TENM3: variants seen among roughly 807,000 people sequenced by gnomAD.
TENM3 encodes teneurin-3.
Under a neutral mutation model 255.1 loss-of-function variants are expected in TENM3, and 63 were observed. The ratio of observed to expected loss-of-function variants is 0.25; its 90% CI spans 0.20 to 0.30. The LOEUF is 0.30. TENM3 is among the 10% of genes least tolerant of loss of function. The probability of loss-of-function intolerance (pLI) is 1.00; values close to 1 mark genes in which losing one functional copy is unlikely to be tolerated. For missense variants in TENM3, 2,929 were observed against 3,461.1 expected (o/e 0.85, Z 3.86); for synonymous variants, 1,306 against 1,322.3 (o/e 0.99, Z 0.27).
the TENM3 span, among the ~76,000 whole-genome samples, chr4:181,933,646 C>G: frequency 6.6e-6 from 1 of 152,120 alleles, no homozygotes; most frequent in African/African-American, 2.4e-5. Context: ...TAACAAAGCC[C>G]TATTCTGAAG....
chr4:182,149,057 C>G (rs780892974), intron 1 of TENM3, among the ~76,000 whole-genome samples: 31 of 151,722 alleles, frequency 2.0e-4, no homozygotes, highest in Non-Finnish European at 4.1e-4. Flanking sequence ...CTTTCTAGTG[C>G]GTGTAAACTT....
the TENM3 span, among the ~76,000 whole-genome samples, chr4:181,858,614 C>G: frequency 6.6e-6 from 1 of 152,274 alleles, no homozygotes. Flanking sequence ...AACAGGTAAT[C>G]CTACCTGACA....
intron 1 of TENM3, among the ~76,000 whole-genome samples, chr4:182,174,614 G>A (rs1752338255): frequency 6.6e-6 from 1 of 151,916 alleles, no homozygotes; most frequent in East Asian, 1.9e-4. Context: ...AATACTTGGG[G>A]TCAGATAGAG....
chr4:182,081,455 G>A, the TENM3 span, among the ~76,000 whole-genome samples: 6 of 151,840 alleles, frequency 4.0e-5, no homozygotes, highest in East Asian at 3.9e-4. Flanking sequence ...GTGGTGGCAC[G>A]TGCCTGTAGT....
chr4:182,457,176 CTCTG>C (rs1429595476), intron 3 of TENM3, among the ~76,000 whole-genome samples: 3 of 142,914 alleles, frequency 2.1e-5, no homozygotes, highest in African/African-American at 7.5e-5. Context: ...CAGAGCAAGA[CTCTG>C]TCTCTCAAAA....
At chr4:181,750,265 G>A in the TENM3 span, among the ~76,000 whole-genome samples, 1 of 152,126 alleles carries the variant, frequency 6.6e-6, no homozygotes, top group Non-Finnish European at 1.5e-5. Context: ...AGAATTATGA[G>A]TTCTTCAGGC....
At chr4:182,301,689 G>GT (rs1318732888) in intron 1 of TENM3, among the ~76,000 whole-genome samples, 1 of 152,130 alleles carries the variant, frequency 6.6e-6, no homozygotes, top group Non-Finnish European at 1.5e-5. Context: ...CATAGTTTTT[G>GT]TTTTTTGGTT....
Position 182,320,105 on chromosome 4 carries a change from T to G in TENM3, c.-75-3841T>G, listed in dbSNP as rs913673326. Among the ~76,000 whole-genome samples, 96 of 50,076 alleles carry G rather than the reference T, an allele frequency of 1.9e-3. 2 individuals are homozygous for G. The highest frequency in any genetic ancestry group is 9.4e-3 in the African/African-American group (92 of 9,774). The allele number at this position is 50,076 out of a possible 152,430, so 32.9% of individuals were successfully genotyped here. On this transcript the variant is annotated intron_variant, in intron 1 of 27. Coordinates refer to ENST00000511685, the MANE Select transcript of TENM3 (RefSeq NM_001080477.4). ...TCCAGCCTGAGTGAAAGAGTGAAAC[T>G]CCGTCTAAAAAAAAAAAAATCCAAA...
At chr4:181,758,607 C>G in the TENM3 span, among the ~76,000 whole-genome samples, 7 of 152,116 alleles carry the variant, frequency 4.6e-5, no homozygotes, top group Non-Finnish European at 1.0e-4. Context: ...ATAATTGCAC[C>G]TTACGGAACA....
At chr4:181,525,396 C>CAAAAAAA in the TENM3 span, among the ~76,000 whole-genome samples, 4 of 97,286 alleles carry the variant, frequency 4.1e-5, no homozygotes, top group East Asian at 3.4e-4. Context: ...GACCCTGTTT[C>CAAAAAAA]AAAAAAAAAA....
the TENM3 span, among the ~76,000 whole-genome samples, chr4:181,867,862 T>C: frequency 1.3e-5 from 2 of 152,172 alleles, no homozygotes. Context: ...CTAAATCTGA[T>C]GGTAAGCACA....
chr4:181,761,012 A>ACC, the TENM3 span, among the ~76,000 whole-genome samples: 2 of 148,580 alleles, frequency 1.3e-5, no homozygotes, highest in African/African-American at 4.9e-5. Context: ...ACACACACAC[A>ACC]CCCCGAATAA....
At chr4:181,588,139 T>C in the TENM3 span, among the ~76,000 whole-genome samples, 1 of 152,286 alleles carries the variant, frequency 6.6e-6, no homozygotes, top group South Asian at 2.1e-4. Flanking sequence ...CCCACTCTTT[T>C]GAAGCCAGCA....
At chr4:182,063,034 A>T in the TENM3 span, among the ~76,000 whole-genome samples, 1 of 152,232 alleles carries the variant, frequency 6.6e-6, no homozygotes, top group Non-Finnish European at 1.5e-5. Flanking sequence ...GAAACTTTTG[A>T]TATGATAAAT....
At chr4:182,477,794 T>G (rs2151492185) in intron 3 of TENM3, among the ~76,000 whole-genome samples, 1 of 152,310 alleles carries the variant, frequency 6.6e-6, no homozygotes, top group East Asian at 1.9e-4. Context: ...ATACTTATTT[T>G]TAATAATCAA....
At chr4:181,623,267 T>C in the TENM3 span, among the ~76,000 whole-genome samples, 1 of 152,170 alleles carries the variant, frequency 6.6e-6, no homozygotes, top group Non-Finnish European at 1.5e-5. Flanking sequence ...AAATAATTAA[T>C]ACCTACCTCA....
chr4:181,778,344 T>A, the TENM3 span, among the ~76,000 whole-genome samples: 2 of 152,196 alleles, frequency 1.3e-5, no homozygotes, highest in African/African-American at 2.4e-5. Context: ...TTAGTATTAG[T>A]ATTTTTATTG....
intron 1 of TENM3, among the ~76,000 whole-genome samples, chr4:182,264,176 A>C (rs1275611089): frequency 1.3e-5 from 2 of 152,224 alleles, no homozygotes; most frequent in African/African-American, 4.8e-5. Context: ...AAGAATTCTA[A>C]GGCTAGTCTT....
In TENM3 at chr4:182,657,482, G is replaced by C. The variant is rs1048601047; in HGVS notation, c.1111+3589G>C. ...CATATTCCAGGTTCATCTTTGCGGG[G>C]GTCCTCTTGATCCCATTCTCTCTTC... On this transcript the variant is annotated intron_variant, in intron 6 of 27. Transcript: ENST00000511685. Among the ~76,000 whole-genome samples, 17 of 152,078 alleles carry C rather than the reference G, an allele frequency of 1.1e-4. No homozygotes were observed. In the East Asian group the frequency reaches 2.3e-3, roughly 21 times the overall value.
Sources: gnomAD v4.1 joint callset for allele counts (sites outside exome capture counted in the v4.1 genomes callset) on GRCh38, gnomAD v4.1.1 for gene constraint, MANE v1.5 for transcripts, NCBI Gene and HGNC (gene_info 2026-07-23, HGNC 2026-07-21) for gene names.